The following CLBA1 variants were observed in gnomAD, a reference collection of about 807,000 sequenced individuals.
The protein encoded by CLBA1 is uncharacterized protein CLBA1.
A neutral mutation model predicts 28.8 loss-of-function variants in CLBA1; 30 were observed. The observed-to-expected ratio is 1.04, with a 90% CI of 0.78 to 1.41. The LOEUF is 1.41. Ranked by LOEUF, CLBA1 falls within the 40% of genes most tolerant of loss-of-function variation. The pLI is 0.00. For synonymous variants in CLBA1, 160 were observed against 152.8 expected, an observed-to-expected ratio of 1.05 and a Z score of -0.35; for missense variants, 451 against 412.3, an observed-to-expected ratio of 1.09 and a Z score of -0.81.
downstream of CLBA1, among the ~76,000 whole-genome samples, chr14:104,999,885 G>T (rs1267125244): frequency 6.6e-6 from 1 of 152,140 alleles, no homozygotes; most frequent in Non-Finnish European, 1.5e-5. Flanking sequence ...TAATGTGCAA[G>T]AAAAAGAGCA....
chr14:104,991,686 C>A, intron 3 of CLBA1, 66 bp downstream of exon 3: 1 of 1,530,400 alleles, frequency 6.5e-7, no homozygotes. Context: ...ACCAGTGGCC[C>A]TTGGCCGCGC....
Position 104,995,293 on chromosome 14 carries a change from G to C in CLBA1, c.*534G>C, listed in dbSNP as rs533730286. 1.0e-6 allele frequency: 1 copy of C among 985,388 alleles called. No individual in the cohort carries two copies. Among genetic ancestry groups the C allele is most frequent in the African/African-American group, 1.7e-5 (1 of 57,200 alleles). 61.0% of individuals were successfully genotyped at this position (985,388 alleles called of 1,614,324 possible). The stretch of plus-strand genomic sequence containing the variant: ...GTGCTGTGTCCTCAGAGCCTCGCAG[G>C]TGCCCTCACTTACTGCCTGGGCCCC... On this transcript the variant is annotated 3_prime_UTR_variant, in exon 5 of 5. Coordinates refer to ENST00000547315, the MANE Select transcript of CLBA1 (RefSeq NM_174891.4).
At chr14:104,987,084 G>C (rs1462504902) in intron 1 of CLBA1, among the ~76,000 whole-genome samples, 2 of 152,388 alleles carry the variant, frequency 1.3e-5, no homozygotes, top group South Asian at 4.1e-4. Flanking sequence ...ACGAAGGCCA[G>C]GTGGGGGCCA....
chr14:104,986,853 AGGT>A lies in CLBA1; in HGVS notation c.423_423+2del. ...GGAACTTCTGCCGTCCCACCTTCTGAGGTATTTCTGCTGTGCTGTGGTCACCAT... is the reference window on the plus strand; with the variant it reads ...GGAACTTCTGCCGTCCCACCTTCTGAATTTCTGCTGTGCTGTGGTCACCAT... On this transcript the variant is annotated splice_donor_variant and coding_sequence_variant, in exon 1 of 5. Coordinates refer to ENST00000547315, the MANE Select transcript of CLBA1 (RefSeq NM_174891.4). LOFTEE classifies it high-confidence loss of function. The A allele has an allele frequency of 6.2e-7, 1 of 1,612,512 alleles. No homozygotes were observed. Among genetic ancestry groups the A allele is most frequent in the South Asian group, 1.1e-5 (1 of 91,076 alleles).
At chr14:104,998,565 CTT>C (rs578125334), downstream of CLBA1, among the ~76,000 whole-genome samples, 441 of 152,290 alleles carry the variant, frequency 2.9e-3, 2 homozygotes, top group Middle Eastern at 0.01. Context: ...CTTGGCCTCT[CTT>C]TTTGTTTTTT....
chr14:105,000,416 C>T (rs34490246), downstream of CLBA1, among the ~76,000 whole-genome samples: 26,411 of 151,440 alleles, frequency 0.17, 2,500 homozygotes, highest in African/African-American at 0.23. Flanking sequence ...GGACTACAGG[C>T]GCCCGCCACC....
downstream of CLBA1, among the ~76,000 whole-genome samples, chr14:104,998,178 G>A (rs1447506088): frequency 6.6e-6 from 1 of 152,020 alleles, no homozygotes; most frequent in African/African-American, 2.4e-5. Flanking sequence ...AGGCCAAGGT[G>A]GAAGGATTGC....
At chr14:104,991,360 G>A (rs934915045) in intron 2 of CLBA1, 131 bp from the exon 3 acceptor site, 4 of 1,057,966 alleles carry the variant, frequency 3.8e-6, no homozygotes, top group East Asian at 5.2e-5. Context: ...ACAGCCATAC[G>A]CCTCTTGGCT....
At chr14:104,993,402 C>T (rs1900091914) in intron 4 of CLBA1, 1 of 985,284 alleles carries the variant, frequency 1.0e-6, no homozygotes, top group Non-Finnish European at 1.2e-6. Context: ...GAGGCAGGAC[C>T]AGGCTGTGAC....
In CLBA1 at chr14:104,991,594, G is replaced by T. The variant is rs571781380; in HGVS notation, c.673G>T (p.Val225Phe). 6.2e-7 allele frequency: 1 copy of T among 1,613,322 alleles called. No homozygotes were observed. Among genetic ancestry groups the T allele is most frequent in the Non-Finnish European group, 8.5e-7 (1 of 1,179,704 alleles). ...CCGTTGCCAGGAGAACTTCTTTCTT[G>T]TTCTCGGAATAGATGCTGCGCAGAA... The part of the protein sequence containing the change: ...ESRCQENFFL[V>F]LGIDAAQKNL... The change falls in exon 3 of 5, where the codon GTT becomes TTT. Residue 225 changes from valine (V) to phenylalanine (F), a missense_variant. Val to Phe is a conservative substitution (Grantham distance 50). Transcript: ENST00000547315.
intron 2 of CLBA1, chr14:104,989,586 T>G (rs1424768433): frequency 2.2e-6 from 1 of 455,928 alleles, no homozygotes; most frequent in Non-Finnish European, 4.4e-6. Context: ...CACAGGCTCC[T>G]AGGGGAAAGT....
downstream of CLBA1, among the ~76,000 whole-genome samples, chr14:104,998,426 AAAG>A (rs1190546298): frequency 4.6e-5 from 7 of 151,718 alleles, no homozygotes; most frequent in Admixed American, 3.9e-4. Flanking sequence ...AAAAAAAAAA[AAAG>A]AATTAAGTAG....
At chr14:104,986,945 G>A in intron 1 of CLBA1, 91 bp downstream of exon 1, 7 of 1,455,036 alleles carry the variant, frequency 4.8e-6, no homozygotes, top group Non-Finnish European at 6.5e-6. Flanking sequence ...GTGCTGGCCA[G>A]GGAGGGGGCT....
chr14:104,996,251 G>A (rs1303373114), downstream of CLBA1, among the ~76,000 whole-genome samples: 1 of 152,188 alleles, frequency 6.6e-6, no homozygotes, highest in Non-Finnish European at 1.5e-5. Flanking sequence ...GAGAGGCCCT[G>A]CTGCTCTCGT....
intron 1 of CLBA1, among the ~76,000 whole-genome samples, chr14:104,987,210 C>T (rs1899889108): frequency 6.6e-6 from 1 of 152,276 alleles, no homozygotes; most frequent in Non-Finnish European, 1.5e-5. Context: ...TGTCTGAATT[C>T]TGAATCTGCT....
At chr14:104,992,726 AG>A (rs1900068927) in intron 3 of CLBA1, among the ~76,000 whole-genome samples, 1 of 152,194 alleles carries the variant, frequency 6.6e-6, no homozygotes, top group Non-Finnish European at 1.5e-5. Flanking sequence ...CCCATTGAGC[AG>A]TTGAGGGGCG....
chr14:104,994,451 A>G (rs1396772693), intron 4 of CLBA1, 147 bp from the exon 5 acceptor site: 4 of 1,409,706 alleles, frequency 2.8e-6, no homozygotes, highest in Non-Finnish European at 3.7e-6. Flanking sequence ...CTCTGGTGAC[A>G]TCCCATGATG....
chr14:104,996,986 G>A (rs1311908783), downstream of CLBA1, among the ~76,000 whole-genome samples: 1 of 152,162 alleles, frequency 6.6e-6, no homozygotes, highest in Non-Finnish European at 1.5e-5. Context: ...GAACTGTCTA[G>A]CCTGCAGTAA....
chr14:104,999,741 T>C (rs1900231168), downstream of CLBA1, among the ~76,000 whole-genome samples: 1 of 152,210 alleles, frequency 6.6e-6, no homozygotes. Context: ...ACTGGAAACT[T>C]AGTAATTGAA....
Sources: gnomAD v4.1 joint callset for allele counts (sites outside exome capture counted in the v4.1 genomes callset) on GRCh38, gnomAD v4.1.1 for gene constraint, MANE v1.5 for transcripts, NCBI Gene and HGNC (gene_info 2026-07-23, HGNC 2026-07-21) for gene names.